Variants in PATJ observed in about 807,000 individuals in gnomAD.
PATJ encodes the protein PATJ crumbs cell polarity complex component.
Under a neutral mutation model 224.9 loss-of-function variants are expected in PATJ, and 190 were observed. The observed-to-expected ratio is 0.84, with a 90% CI of 0.75 to 0.95. The LOEUF is 0.95. PATJ is among the 40% of genes least tolerant of loss of function. The pLI is 0.00. For synonymous variants in PATJ, 769 were observed against 820.3 expected, an observed-to-expected ratio of 0.94 and a Z score of 1.07; for missense variants, 2,121 against 2,270.3, an observed-to-expected ratio of 0.93 and a Z score of 1.34.
Position 61,986,560 on chromosome 1 carries a change from T to C in PATJ, c.3671-3608T>C, listed in dbSNP as rs1569666012. ...TCAACCTCCAGAGCAGCCAAAATTA[T>C]AGGCGCGTGCCGCTATGCTGGGCTA... is the stretch of plus-strand genomic sequence containing the variant. On this transcript the variant is annotated intron_variant, in intron 27 of 43. Transcript: ENST00000642238. Among the ~76,000 whole-genome samples the C allele has an allele frequency of 2.6e-5, 4 of 152,192 alleles. 1 individual carries two copies. In the South Asian group the frequency reaches 8.3e-4, roughly 31 times the overall value.
intron 31 of PATJ, among the ~76,000 whole-genome samples, chr1:62,059,175 A>T (rs1174111901): frequency 2.0e-5 from 3 of 152,208 alleles, no homozygotes; most frequent in African/African-American, 4.8e-5. Flanking sequence ...GCAGGAAGTG[A>T]AAACCACCAA....
chr1:62,134,917 G>A (rs1282163459), intron 41 of PATJ, among the ~76,000 whole-genome samples: 1 of 152,162 alleles, frequency 6.6e-6, no homozygotes, highest in Non-Finnish European at 1.5e-5. Flanking sequence ...AATTCCAGGA[G>A]GGGAGGAAGA....
chr1:62,109,143 G>A (rs1231334393), intron 34 of PATJ, among the ~76,000 whole-genome samples: 1 of 151,676 alleles, frequency 6.6e-6, no homozygotes, highest in Admixed American at 6.6e-5. Flanking sequence ...GAAGGAGAAG[G>A]CGATGCCAGG....
intron 22 of PATJ, among the ~76,000 whole-genome samples, chr1:61,897,081 G>A (rs1670481372): frequency 6.6e-6 from 1 of 152,102 alleles, no homozygotes; most frequent in African/African-American, 2.4e-5. Context: ...TGAAGGTAAT[G>A]ATACTATGTG....
intron 31 of PATJ, among the ~76,000 whole-genome samples, chr1:62,071,078 A>G (rs1219594483): frequency 2.6e-5 from 4 of 152,168 alleles, no homozygotes; most frequent in Middle Eastern, 3.2e-3. Flanking sequence ...AAAGCAAAAA[A>G]CAAACAAACA....
chr1:62,048,827 G>T (rs1340166613), intron 30 of PATJ, among the ~76,000 whole-genome samples: 1 of 152,104 alleles, frequency 6.6e-6, no homozygotes, highest in African/African-American at 2.4e-5. Flanking sequence ...ATGCTCCAAA[G>T]AAATGCCCAT....
intron 28 of PATJ, among the ~76,000 whole-genome samples, chr1:62,017,387 C>A (rs1646829323): frequency 6.8e-6 from 1 of 148,046 alleles, no homozygotes; most frequent in African/African-American, 2.5e-5. Flanking sequence ...GCACCCCATC[C>A]TGGGTGACTA....
chr1:62,068,815 G>C (rs2148675029), intron 31 of PATJ, among the ~76,000 whole-genome samples: 1 of 152,298 alleles, frequency 6.6e-6, no homozygotes, highest in Non-Finnish European at 1.5e-5. Context: ...CTGTGCTGAA[G>C]ATTATAGCAT....
At chr1:61,874,141 T>C (rs555599824) in intron 20 of PATJ, among the ~76,000 whole-genome samples, 4 of 152,150 alleles carry the variant, frequency 2.6e-5, no homozygotes, top group African/African-American at 9.6e-5. Flanking sequence ...CCTCACAGGG[T>C]GGAAGAGTGG....
At chr1:62,080,986 T>C (rs949381064) in intron 32 of PATJ, among the ~76,000 whole-genome samples, 1 of 152,186 alleles carries the variant, frequency 6.6e-6, no homozygotes, top group African/African-American at 2.4e-5. Context: ...TTCTATGAAA[T>C]TCATATTTCA....
rs948760874 is a variant in PATJ at position 61,781,973 on chromosome 1, G to A, written c.850-5781G>A. The stretch of plus-strand genomic sequence containing the variant: ...CACATCTGAAATGTCTGCCATGGAA[G>A]CCCATCAGAGACTCTGCACAGGGTT... On this transcript the variant is annotated intron_variant, in intron 7 of 43. Coordinates refer to ENST00000642238, the MANE Select transcript of PATJ (RefSeq NM_001350145.3). 2.0e-5 allele frequency among the ~76,000 whole-genome samples: 3 copies of A among 152,318 alleles called. No individual in the cohort carries two copies. The East Asian group carries it at 5.8e-4, about 29-fold the overall frequency.
chr1:61,959,429 T>A (rs1440851235), intron 27 of PATJ, among the ~76,000 whole-genome samples: 8,085 of 35,188 alleles, frequency 0.23, 346 homozygotes, highest in South Asian at 0.28. Context: ...TAATATATTT[T>A]TTTTCTTTTC....
chr1:61,764,015 G>C (rs1187397926), intron 3 of PATJ, among the ~76,000 whole-genome samples: 4 of 150,190 alleles, frequency 2.7e-5, no homozygotes, highest in African/African-American at 7.3e-5. Flanking sequence ...TTTTGTGTGT[G>C]TGTGTTATTA....
intron 18 of PATJ, among the ~76,000 whole-genome samples, chr1:61,857,626 G>C (rs1663903826): frequency 2.0e-5 from 3 of 152,212 alleles, no homozygotes; most frequent in Admixed American, 6.5e-5. Flanking sequence ...AGTTAGCCCA[G>C]TAGGTTTCAA....
intron 17 of PATJ, among the ~76,000 whole-genome samples, chr1:61,841,055 A>G (rs569532699): frequency 6.6e-6 from 1 of 152,266 alleles, no homozygotes; most frequent in Non-Finnish European, 1.5e-5. Flanking sequence ...AACTTTATAT[A>G]TGGCGGTAAT....
chr1:62,121,413 G>A, intron 38 of PATJ, 118 bp downstream of exon 38: 1 of 665,466 alleles, frequency 1.5e-6, no homozygotes. Flanking sequence ...TTTGAGCTTG[G>A]CCACATAAGC....
At chr1:62,031,874 G>A (rs1368959629) in intron 29 of PATJ, among the ~76,000 whole-genome samples, 2 of 152,202 alleles carry the variant, frequency 1.3e-5, no homozygotes, top group African/African-American at 4.8e-5. Context: ...ATGAGTTAAT[G>A]TATGTAAAGG....
At chr1:61,773,078 G>A (rs979800968) in intron 6 of PATJ, among the ~76,000 whole-genome samples, 5 of 152,048 alleles carry the variant, frequency 3.3e-5, no homozygotes, top group Non-Finnish European at 5.9e-5. Flanking sequence ...CTGGACTGCA[G>A]GGCGTGATCT....
chr1:61,853,205 A>G (rs891067316), intron 17 of PATJ, among the ~76,000 whole-genome samples: 1 of 152,228 alleles, frequency 6.6e-6, no homozygotes, highest in Non-Finnish European at 1.5e-5. Flanking sequence ...TCTGGCAATA[A>G]GGAAAATATA....
Sources: gnomAD v4.1 joint callset for allele counts (sites outside exome capture counted in the v4.1 genomes callset) on GRCh38, gnomAD v4.1.1 for gene constraint, MANE v1.5 for transcripts, NCBI Gene and HGNC (gene_info 2026-07-23, HGNC 2026-07-21) for gene names.